The following CDC42BPB variants were observed in gnomAD, a reference collection of about 807,000 sequenced individuals.
The protein encoded by CDC42BPB is serine/threonine-protein kinase MRCK beta.
A neutral mutation model predicts 214.9 loss-of-function variants in CDC42BPB; 37 were observed. The observed-to-expected ratio is 0.17, with a 90% confidence interval of 0.13 to 0.23. The LOEUF is 0.23. CDC42BPB is among the 10% of genes least tolerant of loss of function. CDC42BPB has a pLI of 1.00. For synonymous variants in CDC42BPB, 931 were observed against 884.0 expected (o/e 1.05, Z -0.94); for missense variants, 1,694 against 2,227.0 (o/e 0.76, Z 4.82).
At chr14:102,983,191 T>C (rs1451504916) in intron 7 of CDC42BPB, among the ~76,000 whole-genome samples, 1 of 152,122 alleles carries the variant, frequency 6.6e-6, no homozygotes, top group Non-Finnish European at 1.5e-5. Context: ...CCCCACTGGC[T>C]ACCCCCGGGC....
chr14:102,945,734 G>A lies in CDC42BPB; in HGVS notation c.3749-10C>T, dbSNP rs551354532. Reference sequence around the variant, plus strand: ...GCAATCCTGTCTGCATCTGTGGAGGGGTAAGTAACATACACAAAGTCAGTA... The same window carrying A: ...GCAATCCTGTCTGCATCTGTGGAGGAGTAAGTAACATACACAAAGTCAGTA... On this transcript the variant is annotated splice_polypyrimidine_tract_variant and intron_variant, in intron 28 of 36. Coordinates refer to ENST00000361246, the MANE Select transcript of CDC42BPB (RefSeq NM_006035.4). 1.4e-5 allele frequency: 22 copies of A among 1,611,948 alleles called. 1 individual carries two copies. Among genetic ancestry groups the A allele is most frequent in the South Asian group, 4.4e-5 (4 of 91,058 alleles).
intron 1 of CDC42BPB, among the ~76,000 whole-genome samples, chr14:103,036,838 A>C (rs1887691657): frequency 6.6e-6 from 1 of 152,074 alleles, no homozygotes; most frequent in Non-Finnish European, 1.5e-5. Context: ...ATTTACTGAG[A>C]TAATGTCTGG....
chr14:102,974,740 G>A (rs554873515), intron 11 of CDC42BPB, among the ~76,000 whole-genome samples: 32 of 152,030 alleles, frequency 2.1e-4, no homozygotes, highest in South Asian at 2.1e-3. Context: ...GGCGGATCAC[G>A]AGGTCAGGAG....
intron 1 of CDC42BPB, among the ~76,000 whole-genome samples, chr14:103,036,866 C>T (rs1887693275): frequency 6.6e-6 from 1 of 152,088 alleles, no homozygotes; most frequent in Non-Finnish European, 1.5e-5. Context: ...GCCCAGGCTG[C>T]AGTACAGTGG....
At chr14:102,967,779 G>A (rs1013579644) in intron 16 of CDC42BPB, among the ~76,000 whole-genome samples, 1 of 152,208 alleles carries the variant, frequency 6.6e-6, no homozygotes, top group Non-Finnish European at 1.5e-5. Flanking sequence ...ATCGTTATAT[G>A]GCACATTACT....
At chr14:102,974,497 C>T (rs745333617) in intron 11 of CDC42BPB, among the ~76,000 whole-genome samples, 4 of 152,120 alleles carry the variant, frequency 2.6e-5, no homozygotes, top group South Asian at 4.1e-4. Context: ...CCTTTCTCAG[C>T]GTGCAAGAAA....
At chr14:102,999,510 G>A in intron 5 of CDC42BPB, 55 bp downstream of exon 5, 4 of 1,582,382 alleles carry the variant, frequency 2.5e-6, no homozygotes, top group East Asian at 2.2e-5. Context: ...AGCTCTGAAA[G>A]GAGTCTTTTA....
intron 5 of CDC42BPB, among the ~76,000 whole-genome samples, chr14:102,996,168 T>A (rs1373289988): frequency 1.3e-5 from 2 of 151,956 alleles, no homozygotes; most frequent in African/African-American, 4.8e-5. Context: ...TGAAACCCCA[T>A]CTCTACTAAA....
chr14:102,955,946 C>T (rs1190450698), intron 21 of CDC42BPB, among the ~76,000 whole-genome samples: 1 of 152,226 alleles, frequency 6.6e-6, no homozygotes, highest in Admixed American at 6.5e-5. Flanking sequence ...ACATAAAACA[C>T]ACACACAACT....
In CDC42BPB at chr14:102,952,996, A is replaced by T. The variant is rs147265256; in HGVS notation, c.3067-393T>A. ...AGGTTGGGCTGCACACAGGCCTTGC[A>T]TGTGTCCAAGAGACACCCAAGAATC... On this transcript the variant is annotated intron_variant, in intron 23 of 36. Transcript: ENST00000361246. Among the ~76,000 whole-genome samples the T allele has an allele frequency of 1.3e-3, 191 of 152,354 alleles. 3 individuals carry two copies. Among genetic ancestry groups the T allele is most frequent in the Admixed American group, 0.011 (165 of 15,306 alleles).
chr14:102,977,137 C>T (rs1237954030), intron 9 of CDC42BPB, among the ~76,000 whole-genome samples: 2 of 151,884 alleles, frequency 1.3e-5, no homozygotes, highest in African/African-American at 4.8e-5. Flanking sequence ...GTCAGGAGAT[C>T]GAGACCATCT....
At chr14:102,936,978 A>C (rs1891671627) in intron 36 of CDC42BPB, 1 of 152,246 alleles carries the variant, frequency 6.6e-6, no homozygotes, top group African/African-American at 2.4e-5. Context: ...TTGGGAGACC[A>C]GCCTGGGCAA....
intron 1 of CDC42BPB, among the ~76,000 whole-genome samples, chr14:103,049,591 C>T (rs1888493446): frequency 6.6e-6 from 1 of 152,240 alleles, no homozygotes; most frequent in South Asian, 2.1e-4. Context: ...TGCTGTCTTG[C>T]ACTACAACCC....
At chr14:102,964,413 G>A (rs555488355) in intron 19 of CDC42BPB, 89 bp downstream of exon 19, 26 of 1,482,260 alleles carry the variant, frequency 1.8e-5, no homozygotes, top group South Asian at 1.1e-4. Flanking sequence ...TTTTCCAGGC[G>A]AGGAGCATCG....
At chr14:102,967,959 G>T (rs1165608920) in intron 16 of CDC42BPB, among the ~76,000 whole-genome samples, 2 of 152,142 alleles carry the variant, frequency 1.3e-5, no homozygotes, top group Non-Finnish European at 2.9e-5. Context: ...GCCAGGCGTG[G>T]TGGCAGACGC....
intron 36 of CDC42BPB, among the ~76,000 whole-genome samples, chr14:102,936,574 C>G (rs1424600224): frequency 2.0e-5 from 3 of 150,228 alleles, no homozygotes; most frequent in Non-Finnish European, 4.4e-5. Context: ...CAGGAAACTA[C>G]TGGCTGCCCA....
intron 26 of CDC42BPB, among the ~76,000 whole-genome samples, chr14:102,948,594 G>A (rs1256628444): frequency 1.7e-5 from 1 of 59,362 alleles, no homozygotes; most frequent in African/African-American, 7.2e-5. Flanking sequence ...GGGTGCGGAG[G>A]TGGGGTGGGT....
Position 102,967,092 on chromosome 14 carries a change from C to G in CDC42BPB, c.2425G>C (p.Glu809Gln). The G allele has an allele frequency of 6.2e-7, 1 of 1,614,224 alleles. No individual in the cohort carries two copies. The highest frequency in any genetic ancestry group is 8.5e-7 in the Non-Finnish European group (1 of 1,180,024). The change falls in exon 17 of 37, where the codon GAG becomes CAG. Residue 809 changes from glutamate to glutamine, a missense_variant. Glu to Gln is a conservative substitution (Grantham distance 29). Coordinates refer to ENST00000361246, the MANE Select transcript of CDC42BPB (RefSeq NM_006035.4). ...DELQDLAAKK[E>Q]SVAHWEAQIA... ...TGAGCTTCCCAGTGGGCCACTGACT[C>G]CTTCTTGGCTGCCAGATCCTGCAGC...
At chr14:102,974,291 C>T (rs1376360861) in intron 11 of CDC42BPB, 142 bp from the exon 12 acceptor site, 6 of 1,424,510 alleles carry the variant, frequency 4.2e-6, no homozygotes, top group Non-Finnish European at 5.5e-6. Flanking sequence ...TACACACACA[C>T]ACACACACAC....
Sources: gnomAD v4.1 joint callset for allele counts (sites outside exome capture counted in the v4.1 genomes callset) on GRCh38, gnomAD v4.1.1 for gene constraint, MANE v1.5 for transcripts, NCBI Gene and HGNC (gene_info 2026-07-23, HGNC 2026-07-21) for gene names.